The following CNTN5 variants were observed in gnomAD, a reference collection of about 807,000 sequenced individuals.
The protein encoded by CNTN5 is contactin-5.
CNTN5 carries 77 observed loss-of-function variants against 129.1 expected under a neutral mutation model. The ratio of observed to expected loss-of-function variants is 0.60; its 90% CI spans 0.50 to 0.72. The LOEUF (loss-of-function observed/expected upper bound fraction) is 0.72, where lower values mean the gene tolerates loss of function less well. Ranked by LOEUF, CNTN5 falls within the 30% of genes least tolerant of loss-of-function variation. The pLI is 0.00. For missense variants in CNTN5, 1,478 were observed against 1,328.8 expected (o/e 1.11, Z -1.75); for synonymous variants, 509 against 465.6 (o/e 1.09, Z -1.20).
At chr11:100,297,942 A>G (rs1265356321) in intron 19 of CNTN5, among the ~76,000 whole-genome samples, 1 of 151,480 alleles carries the variant, frequency 6.6e-6, no homozygotes, top group Non-Finnish European at 1.5e-5. Flanking sequence ...GCACTGTTAC[A>G]TATTTTCCTA....
chr11:100,077,983 GA>G (rs1944208878), intron 13 of CNTN5, among the ~76,000 whole-genome samples: 1 of 152,118 alleles, frequency 6.6e-6, no homozygotes, highest in South Asian at 2.1e-4. Flanking sequence ...CTAATCATCT[GA>G]AAATATGTCA....
At chr11:99,747,192 G>T (rs866141966) in intron 3 of CNTN5, among the ~76,000 whole-genome samples, 3 of 151,904 alleles carry the variant, frequency 2.0e-5, no homozygotes, top group African/African-American at 7.3e-5. Flanking sequence ...AAAAAATATT[G>T]CCTTCTTTAT....
chr11:99,903,180 C>G (rs1318925417), intron 6 of CNTN5, among the ~76,000 whole-genome samples: 1 of 151,956 alleles, frequency 6.6e-6, no homozygotes, highest in East Asian at 2.0e-4. Context: ...TGTGAGTGCT[C>G]TGCAATACAC....
chr11:100,173,127 T>TC (rs2138417415), intron 13 of CNTN5, among the ~76,000 whole-genome samples: 1 of 152,196 alleles, frequency 6.6e-6, no homozygotes, highest in South Asian at 2.1e-4. Context: ...ATCAGACAGC[T>TC]CCTCCAGAGC....
chr11:99,863,771 G>C (rs118101148), intron 6 of CNTN5, among the ~76,000 whole-genome samples: 1 of 152,152 alleles, frequency 6.6e-6, no homozygotes, highest in Non-Finnish European at 1.5e-5. Flanking sequence ...ATTAAGAAGC[G>C]TTTTCCTACT....
intron 7 of CNTN5, among the ~76,000 whole-genome samples, chr11:99,950,725 T>C (rs1195505160): frequency 6.6e-6 from 1 of 152,232 alleles, no homozygotes; most frequent in Non-Finnish European, 1.5e-5. Flanking sequence ...GAGCAGTTTC[T>C]TCATGTTGAA....
At chr11:99,608,978 C>T (rs1356778917) in intron 3 of CNTN5, among the ~76,000 whole-genome samples, 1 of 152,158 alleles carries the variant, frequency 6.6e-6, no homozygotes, top group Non-Finnish European at 1.5e-5. Context: ...TCTCCTTTCT[C>T]ACTGATAAAT....
chr11:100,042,468 A>G (rs1942437573), intron 9 of CNTN5, among the ~76,000 whole-genome samples: 1 of 152,218 alleles, frequency 6.6e-6, no homozygotes, highest in Admixed American at 6.5e-5. Flanking sequence ...TATGCAAGGA[A>G]AATAGGAAGC....
intron 2 of CNTN5, among the ~76,000 whole-genome samples, chr11:99,357,397 A>G (rs932445397): frequency 6.6e-6 from 1 of 151,824 alleles, no homozygotes; most frequent in Non-Finnish European, 1.5e-5. Context: ...AAATAACAAT[A>G]TTATATACTT....
At chr11:99,108,773 A>C (rs574458123) in intron 1 of CNTN5, among the ~76,000 whole-genome samples, 2 of 152,232 alleles carry the variant, frequency 1.3e-5, no homozygotes, top group South Asian at 4.1e-4. Context: ...TCAGAAATAT[A>C]GATTTTGTGT....
intron 15 of CNTN5, among the ~76,000 whole-genome samples, chr11:100,199,460 C>G (rs1948723406): frequency 6.6e-6 from 1 of 151,820 alleles, no homozygotes; most frequent in Non-Finnish European, 1.5e-5. Context: ...TTACTGTTCC[C>G]TCCCAATCTT....
intron 15 of CNTN5, among the ~76,000 whole-genome samples, chr11:100,209,402 C>T (rs1351961669): frequency 1.3e-5 from 2 of 152,150 alleles, no homozygotes; most frequent in East Asian, 3.9e-4. Context: ...TCCTTTTTTA[C>T]TGAATTAAGT....
chr11:99,948,564 T>C (rs10501936), intron 7 of CNTN5, among the ~76,000 whole-genome samples: 16,197 of 152,244 alleles, frequency 0.11, 1,191 homozygotes, highest in Non-Finnish European at 0.15. Context: ...AACCTCAATC[T>C]AGTAAACATT....
rs1210052107 is a variant in CNTN5 at position 99,819,742 on chromosome 11, C to T, written c.254C>T (p.Ser85Phe). 9 of 1,588,628 alleles carry T rather than the reference C, an allele frequency of 5.7e-6. No homozygotes were observed. The change falls in exon 4 of 25, where the codon TCC becomes TTC. Residue 85 changes from serine to phenylalanine, a missense_variant. Coordinates refer to ENST00000524871, the MANE Select transcript of CNTN5 (RefSeq NM_014361.4). The part of the protein sequence containing the change: ...NYYSPINLYH[S>F]SDAFKQDESV... The stretch of plus-strand genomic sequence containing the variant: ...TATTCCCCCATCAATCTTTATCATT[C>T]CTCAGATGCCTTCAAACAAGATGGT...
chr11:100,011,011 T>A (rs896656114), intron 9 of CNTN5, among the ~76,000 whole-genome samples: 5 of 152,132 alleles, frequency 3.3e-5, no homozygotes, highest in Non-Finnish European at 7.3e-5. Context: ...AATTTTGGGA[T>A]CCCTAGAGCA....
intron 6 of CNTN5, among the ~76,000 whole-genome samples, chr11:99,856,878 G>T (rs1333352246): frequency 2.0e-5 from 3 of 152,172 alleles, no homozygotes; most frequent in Admixed American, 2.0e-4. Context: ...AGTCCTAAAA[G>T]TATTTCATGC....
chr11:99,303,064 A>G (rs1864714537), intron 1 of CNTN5, among the ~76,000 whole-genome samples: 1 of 151,826 alleles, frequency 6.6e-6, no homozygotes, highest in African/African-American at 2.4e-5. Context: ...AATTATATAA[A>G]TAACTAGTCA....
chr11:99,445,607 T>C (rs1027451799), intron 2 of CNTN5, among the ~76,000 whole-genome samples: 1 of 152,220 alleles, frequency 6.6e-6, no homozygotes, highest in African/African-American at 2.4e-5. Context: ...ACATTGGATT[T>C]ACTCTCTTTT....
intron 3 of CNTN5, among the ~76,000 whole-genome samples, chr11:99,611,219 G>A (rs1180174569): frequency 6.6e-6 from 1 of 152,084 alleles, no homozygotes; most frequent in East Asian, 1.9e-4. Context: ...CTTATCACAG[G>A]AGTTTCCTAA....
Sources: allele counts gnomAD v4.1 joint callset (sites outside exome capture counted in the v4.1 genomes callset), GRCh38; gene constraint gnomAD v4.1.1; transcripts MANE v1.5; gene names NCBI Gene and HGNC (gene_info 2026-07-23, HGNC 2026-07-21).